The following LGALS8 variants were observed in gnomAD, a reference collection of about 807,000 sequenced individuals.
LGALS8 encodes galectin-8.
LGALS8 carries 30 observed loss-of-function variants against 35.9 expected under a neutral mutation model. That is an observed-to-expected ratio of 0.83 (90% CI 0.62 to 1.13). The LOEUF is 1.13. Ranked by LOEUF, LGALS8 falls within the 50% of genes most tolerant of loss-of-function variation. The pLI, the probability that LGALS8 is intolerant of heterozygous loss-of-function variation, is 0.00. For missense variants in LGALS8, 366 were observed against 388.7 expected (o/e 0.94, Z 0.49); for synonymous variants, 138 against 136.1 (o/e 1.01, Z -0.10).
chr1:236,525,623 T>C (rs1969746), intron 1 of LGALS8: 77,955 of 154,520 alleles, frequency 0.5, 22,662 homozygotes, highest in Non-Finnish European at 0.65. Flanking sequence ...GGCTGGTCTC[T>C]AACTCCTGAA....
chr1:236,548,321 A>T lies in LGALS8; in HGVS notation c.*160A>T. ...GTGTTCTCAGTCCTTGCCATGAAGT[A>T]TGGTGGTGTCTAGCACTGAATGGGG... On this transcript the variant is annotated 3_prime_UTR_variant, in exon 10 of 10. Transcript: ENST00000366584. 2 of 683,754 alleles carry T rather than the reference A, an allele frequency of 2.9e-6. No individual in the cohort carries two copies. The highest frequency in any genetic ancestry group is 2.4e-6 in the Non-Finnish European group (1 of 410,290). The allele number at this position is 683,754 out of a possible 1,614,324, so 42.4% of individuals were successfully genotyped here.
chr1:236,533,777 T>C (rs1368163127), intron 2 of LGALS8, among the ~76,000 whole-genome samples: 1 of 152,144 alleles, frequency 6.6e-6, no homozygotes. Context: ...AGAACCAGGC[T>C]TGGAGAATAG....
Position 236,548,360 on chromosome 1 carries a change from C to A in LGALS8, c.*199C>A. 1 of 571,136 alleles carries A rather than the reference C, an allele frequency of 1.8e-6. No homozygotes were observed. The highest frequency in any genetic ancestry group is 3.1e-6 in the Non-Finnish European group (1 of 324,284). 35.4% of individuals were successfully genotyped at this position (571,136 alleles called of 1,614,324 possible). On this transcript the variant is annotated 3_prime_UTR_variant, in exon 10 of 10. Coordinates refer to ENST00000366584, the MANE Select transcript of LGALS8 (RefSeq NM_201544.4). ...CACTGAATGGGGAAACTGGGGGCAG[C>A]AACACTTATAGCCAGTTAAAGCCAC...
chr1:236,550,027 T>TA lies in LGALS8; in HGVS notation c.*1871dup, dbSNP rs980669967. 1 of 152,174 alleles carries TA rather than the reference T, an allele frequency of 6.6e-6. No homozygotes were observed. The highest frequency in any genetic ancestry group is 1.5e-5 in the Non-Finnish European group (1 of 68,026). The allele number at this position is 152,174 out of a possible 1,614,324, so 9.4% of individuals were successfully genotyped here. A position where few individuals can be genotyped will look rare whatever the true frequency, so the allele number is the denominator to read the frequency against. ...TCTACGGGATGTTCTTAGATGCCTT[T>TA]AAAAAGGGGGCAGATCTAATTTTAT... On this transcript the variant is annotated 3_prime_UTR_variant, in exon 10 of 10. Transcript: ENST00000366584.
In LGALS8 at chr1:236,538,716, C is replaced by T. The variant is rs931955683; in HGVS notation, c.135-163C>T. ...TCAGGGGCTATTTTACTGAGGAAGACAGAAAAGATTAGACAGTCAGCTCTT... is the reference window on the plus strand; with the variant it reads ...TCAGGGGCTATTTTACTGAGGAAGATAGAAAAGATTAGACAGTCAGCTCTT... On this transcript the variant is annotated intron_variant, in intron 3 of 9. Transcript: ENST00000366584. Among the ~76,000 whole-genome samples, 3 of 152,290 alleles carry T rather than the reference C, an allele frequency of 2.0e-5. No individual in the cohort carries two copies. The East Asian group carries it at 5.8e-4, about 29-fold the overall frequency.
Position 236,548,838 on chromosome 1 carries a change from C to T in LGALS8, c.*677C>T, listed in dbSNP as rs1186219213. ...AAGCTTTACCAAGTAATTGGCATGA[C>T]ATCTGAGCACAGAAATTAAGGCAAA... On this transcript the variant is annotated 3_prime_UTR_variant, in exon 10 of 10. Coordinates refer to ENST00000366584, the MANE Select transcript of LGALS8 (RefSeq NM_201544.4). The T allele has an allele frequency of 5.0e-6, 2 of 397,814 alleles. No individual in the cohort carries two copies. The highest frequency in any genetic ancestry group is 4.1e-5 in the African/African-American group (2 of 48,608). 24.6% of individuals were successfully genotyped at this position (397,814 alleles called of 1,614,324 possible). A position where few individuals can be genotyped will look rare whatever the true frequency, so the allele number is the denominator to read the frequency against.
At chr1:236,532,212 C>T (rs819419) in intron 2 of LGALS8, among the ~76,000 whole-genome samples, 137,521 of 152,156 alleles carry the variant, frequency 0.9, 62,668 homozygotes, top group East Asian at 1. Flanking sequence ...GGTGCCCTTC[C>T]CAAATCCCAA....
rs920106147 is a variant in LGALS8 at position 236,525,951 on chromosome 1, A to G, written c.-103-17A>G. 22 of 612,388 alleles carry G rather than the reference A, an allele frequency of 3.6e-5. No individual in the cohort carries two copies. The highest frequency in any genetic ancestry group is 3.4e-4 in the Admixed American group (12 of 35,036). 37.9% of individuals were successfully genotyped at this position (612,388 alleles called of 1,614,324 possible). ...TACATGCTTACTTTTCTTTTCCTCT[A>G]TTTTTACTTTACACAGGGCCAGTGC... On this transcript the variant is annotated splice_polypyrimidine_tract_variant and intron_variant, in intron 1 of 9. Transcript: ENST00000366584.
At chr1:236,537,289 A>T (rs1661595436) in intron 2 of LGALS8, among the ~76,000 whole-genome samples, 1 of 152,134 alleles carries the variant, frequency 6.6e-6, no homozygotes, top group Non-Finnish European at 1.5e-5. Context: ...TGCTGGGATT[A>T]CAGGCGTGAG....
chr1:236,552,039 C>T lies in LGALS8; in HGVS notation c.*3878C>T. 1 of 1,613,486 alleles carries T rather than the reference C, an allele frequency of 6.2e-7. No individual in the cohort carries two copies. The highest frequency in any genetic ancestry group is 8.5e-7 in the Non-Finnish European group (1 of 1,179,616). ...CTAAGAAAGGAATGGATTCTGGTAGCAAGACAATATAATTCTCCTTTAGTT... is the reference window on the plus strand; with the variant it reads ...CTAAGAAAGGAATGGATTCTGGTAGTAAGACAATATAATTCTCCTTTAGTT... On this transcript the variant is annotated 3_prime_UTR_variant, in exon 10 of 10. Coordinates refer to ENST00000366584, the MANE Select transcript of LGALS8 (RefSeq NM_201544.4).
rs767129485 is a variant in LGALS8, at chr1:236,526,180, T to C, written c.45+65T>C. 3.4e-6 allele frequency: 4 copies of C among 1,171,788 alleles called. No individual in the cohort carries two copies. Among genetic ancestry groups the C allele is most frequent in the South Asian group, 2.5e-5 (2 of 78,826 alleles). 72.6% of individuals were successfully genotyped at this position (1,171,788 alleles called of 1,614,324 possible). A position where few individuals can be genotyped will look rare whatever the true frequency, so the allele number is the denominator to read the frequency against. Reference sequence around the variant, plus strand: ...GACAGATCCAATAGAATATTAATTATCCATTGGGAGACAGGGCAAGAATAA... The same window carrying C: ...GACAGATCCAATAGAATATTAATTACCCATTGGGAGACAGGGCAAGAATAA... On this transcript the variant is annotated intron_variant, in intron 2 of 9. Coordinates refer to ENST00000366584, the MANE Select transcript of LGALS8 (RefSeq NM_201544.4). The surrounding 1 kb of genome is among the most constrained non-coding windows in gnomAD (Gnocchi z 4.6).
chr1:236,533,114 AT>A (rs1467197068), intron 2 of LGALS8, among the ~76,000 whole-genome samples: 1 of 152,094 alleles, frequency 6.6e-6, no homozygotes, highest in African/African-American at 2.4e-5. Flanking sequence ...TCACTCTAAA[AT>A]CTGACCCTGG....
chr1:236,550,869 C>T lies in LGALS8; in HGVS notation c.*2708C>T. On this transcript the variant is annotated 3_prime_UTR_variant, in exon 10 of 10. Transcript: ENST00000366584. The stretch of plus-strand genomic sequence containing the variant: ...TAAAAATATGAAATATGAGTGTGAA[C>T]TCTGAGTAGAGTATGAAACACCACA... 6.6e-7 allele frequency: 1 copy of T among 1,511,838 alleles called. No homozygotes were observed. The highest frequency in any genetic ancestry group is 9.0e-7 in the Non-Finnish European group (1 of 1,113,978). 93.7% of individuals were successfully genotyped at this position (1,511,838 alleles called of 1,614,324 possible).
In LGALS8 at chr1:236,548,795, T is replaced by C. The variant is rs144176241; in HGVS notation, c.*634T>C. On this transcript the variant is annotated 3_prime_UTR_variant, in exon 10 of 10. Coordinates refer to ENST00000366584, the MANE Select transcript of LGALS8 (RefSeq NM_201544.4). ...ATCATTTTCTTTATCGTAATAAACA[T>C]GTGGCTCTATTAGCTGCAAGCTTTA... 2 of 396,554 alleles carry C rather than the reference T, an allele frequency of 5.0e-6. No homozygotes were observed. The highest frequency in any genetic ancestry group is 8.9e-6 in the Non-Finnish European group (2 of 225,242). The allele number at this position is 396,554 out of a possible 1,614,324, so 24.6% of individuals were successfully genotyped here. A position where few individuals can be genotyped will look rare whatever the true frequency, so the allele number is the denominator to read the frequency against.
chr1:236,526,672 A>G lies in LGALS8; in HGVS notation c.45+557A>G, dbSNP rs1219664779. Among the ~76,000 whole-genome samples, 1 of 152,316 alleles carries G rather than the reference A, an allele frequency of 6.6e-6. No homozygotes were observed. The highest frequency in any genetic ancestry group is 1.9e-4 in the East Asian group (1 of 5,178). ...AAATTGCCCTGTAATCCTGAGCAGT[A>G]AAGAGCTTGTTTTAGTTTTATGTGG... is the stretch of plus-strand genomic sequence containing the variant. On this transcript the variant is annotated intron_variant, in intron 2 of 9. Coordinates refer to ENST00000366584, the MANE Select transcript of LGALS8 (RefSeq NM_201544.4). This position sits in a 1 kb window ranked among gnomAD's most constrained non-coding sequence, Gnocchi z 4.6.
intron 2 of LGALS8, among the ~76,000 whole-genome samples, chr1:236,532,388 T>A (rs1221596862): frequency 6.6e-6 from 1 of 152,216 alleles, no homozygotes; most frequent in African/African-American, 2.4e-5. Context: ...TACTTTGATA[T>A]CTTTACAAAT....
chr1:236,523,587 C>T (rs1170639697), upstream of LGALS8: 1 of 162,394 alleles, frequency 6.2e-6, no homozygotes, highest in South Asian at 1.4e-4. Flanking sequence ...CAGCCCCGAG[C>T]GCCCTCCCTC....
chr1:236,552,216 A>G lies in LGALS8; in HGVS notation c.*4055A>G, dbSNP rs1469272383. 1.0e-5 allele frequency: 7 copies of G among 688,848 alleles called. No individual in the cohort carries two copies. The African/African-American group carries it at 1.1e-4, about 11-fold the overall frequency. The allele number at this position is 688,848 out of a possible 1,614,324, so 42.7% of individuals were successfully genotyped here. On this transcript the variant is annotated 3_prime_UTR_variant, in exon 10 of 10. Transcript: ENST00000366584. ...TCTAACTTTTTAAACATTAGTTCAC[A>G]TGCGTTTATTCACTTCATTATGTTC...
rs775338328 is a variant in LGALS8, at chr1:236,540,583, A to C, written c.365A>C (p.His122Pro). 3.1e-6 allele frequency: 5 copies of C among 1,608,890 alleles called. No homozygotes were observed. The highest frequency in any genetic ancestry group is 3.3e-4 in the Middle Eastern group (2 of 6,042). Residue 122 changes from histidine to proline, a missense_variant, in exon 5 of 10, where the codon CAT becomes CCT. His to Pro is a moderately conservative substitution (Grantham distance 77). Transcript: ENST00000366584. ...DKFQVAVNGK[H>P]TLLYGHRIGP... ...CTCTAGGTGGCTGTAAATGGAAAACATACTCTGCTCTATGGCCACAGGATC... is the reference window on the plus strand; with the variant it reads ...CTCTAGGTGGCTGTAAATGGAAAACCTACTCTGCTCTATGGCCACAGGATC...
Sources: gnomAD v4.1 joint callset for allele counts (sites outside exome capture counted in the v4.1 genomes callset) on GRCh38, gnomAD v4.1.1 for gene constraint, Gnocchi (gnomAD v3.1) non-coding constraint, MANE v1.5 for transcripts, NCBI Gene and HGNC (gene_info 2026-07-23, HGNC 2026-07-21) for gene names.